The following PDE6A variants were observed in gnomAD, a reference collection of about 807,000 sequenced individuals.
PDE6A encodes rod cGMP-specific 3',5'-cyclic phosphodiesterase subunit alpha.
PDE6A carries 84 observed loss-of-function variants against 106.3 expected under a neutral mutation model. That is an observed-to-expected ratio of 0.79 (90% CI 0.66 to 0.95). The LOEUF (loss-of-function observed/expected upper bound fraction) is 0.95, where lower values mean the gene tolerates loss of function less well. Ranked by LOEUF, PDE6A falls within the 40% of genes least tolerant of loss-of-function variation. The probability of loss-of-function intolerance (pLI) is 0.00; values close to 1 mark genes in which losing one functional copy is unlikely to be tolerated. For synonymous variants in PDE6A, 394 were observed against 386.6 expected, an observed-to-expected ratio of 1.02 and a Z score of -0.23; for missense variants, 1,052 against 1,084.9, an observed-to-expected ratio of 0.97 and a Z score of 0.43.
At position 149,860,859 on chromosome 5, in the gene PDE6A, G is replaced by A; in HGVS notation, c.*36C>T. The A allele has an allele frequency of 6.4e-7, 1 of 1,562,468 alleles. No individual in the cohort carries two copies. The highest frequency in any genetic ancestry group is 8.8e-7 in the Non-Finnish European group (1 of 1,132,986). ...GCTTGAGTCATCTCTTCCCAGGAAA[G>A]GGTGGTGCCGTCCAGCCAGCACATC... On this transcript the variant is annotated 3_prime_UTR_variant, in exon 22 of 22. Coordinates refer to ENST00000255266, the MANE Select transcript of PDE6A (RefSeq NM_000440.3).
intron 5 of PDE6A, 72 bp downstream of exon 5, chr5:149,921,563 C>T: frequency 1.6e-6 from 2 of 1,234,574 alleles, no homozygotes; most frequent in East Asian, 2.3e-5. Flanking sequence ...AATAAAAAAT[C>T]CTTTAACAGG....
chr5:149,924,842 A>G (rs1753827702), intron 4 of PDE6A, among the ~76,000 whole-genome samples: 1 of 152,242 alleles, frequency 6.6e-6, no homozygotes, highest in South Asian at 2.1e-4. Context: ...TGCTGTGAGC[A>G]GCTAAGAAGC....
At chr5:149,867,955 A>G (rs1760391754) in intron 18 of PDE6A, 140 bp downstream of exon 18, 1 of 1,108,492 alleles carries the variant, frequency 9.0e-7, no homozygotes, top group Non-Finnish European at 1.4e-6. Context: ...GAGAGACGTA[A>G]AATGATTCCC....
intron 19 of PDE6A, chr5:149,866,931 A>G (rs1436621551): frequency 6.5e-6 from 1 of 154,012 alleles, no homozygotes; most frequent in Admixed American, 6.4e-5. Context: ...ACTATTCTCA[A>G]TATATTTGAA....
chr5:149,940,557 G>T (rs908128040), intron 1 of PDE6A, among the ~76,000 whole-genome samples: 1 of 148,356 alleles, frequency 6.7e-6, no homozygotes, highest in Non-Finnish European at 1.5e-5. Context: ...GAGTGCAATG[G>T]TGCGGTCTCG....
In PDE6A at chr5:149,859,956, G is replaced by A. The variant is rs557104958; in HGVS notation, c.*939C>T. 6.6e-6 allele frequency: 1 copy of A among 152,396 alleles called. No individual in the cohort carries two copies. Among genetic ancestry groups the A allele is most frequent in the South Asian group, 2.1e-4 (1 of 4,820 alleles). 9.4% of individuals were successfully genotyped at this position (152,396 alleles called of 1,614,324 possible). A position where few individuals can be genotyped will look rare whatever the true frequency, so the allele number is the denominator to read the frequency against. ...GTCTCGCTCGGTCGCCCAAGCTGGA[G>A]TGCAGTAGCATGATCTCAGCTCACT... On this transcript the variant is annotated 3_prime_UTR_variant, in exon 22 of 22. Transcript: ENST00000255266.
At chr5:149,919,862 A>G (rs948911456) in intron 5 of PDE6A, among the ~76,000 whole-genome samples, 1 of 152,204 alleles carries the variant, frequency 6.6e-6, no homozygotes, top group African/African-American at 2.4e-5. Flanking sequence ...AAACATACAC[A>G]CACTATTTTA....
rs1760019538 is a variant in PDE6A, at chr5:149,858,728, A to G, written c.*2167T>C. ...CGGGCAGCTGGGGCTCCAGTGAGCTATGGTCATACCACTGCACTCCAGCCT... is the reference window on the plus strand; with the variant it reads ...CGGGCAGCTGGGGCTCCAGTGAGCTGTGGTCATACCACTGCACTCCAGCCT... On this transcript the variant is annotated 3_prime_UTR_variant, in exon 22 of 22. Coordinates refer to ENST00000255266, the MANE Select transcript of PDE6A (RefSeq NM_000440.3). 1 of 149,934 alleles carries G rather than the reference A, an allele frequency of 6.7e-6. No homozygotes were observed. The highest frequency in any genetic ancestry group is 2.4e-5 in the African/African-American group (1 of 40,988). 9.3% of individuals were successfully genotyped at this position (149,934 alleles called of 1,614,324 possible).
chr5:149,894,474 T>C (rs548117401), intron 13 of PDE6A, among the ~76,000 whole-genome samples: 144 of 152,208 alleles, frequency 9.5e-4, no homozygotes, highest in Middle Eastern at 3.4e-3. Flanking sequence ...ATTTATTTAT[T>C]TTAAGTGGAT....
rs1259440334 is a variant in PDE6A at position 149,897,833 on chromosome 5, C to T, written c.1407+530G>A. Reference sequence around the variant, plus strand: ...AACTCCTGGGCTCAAGCGATCTGACCACCTTGGCCTCCCAAAGTGCTGAGA... The same window carrying T: ...AACTCCTGGGCTCAAGCGATCTGACTACCTTGGCCTCCCAAAGTGCTGAGA... On this transcript the variant is annotated intron_variant, in intron 10 of 21. Transcript: ENST00000255266. Among the ~76,000 whole-genome samples, 6 of 152,018 alleles carry T rather than the reference C, an allele frequency of 3.9e-5. No individual in the cohort carries two copies. The East Asian group carries it at 1.2e-3, about 29-fold the overall frequency.
Position 149,863,066 on chromosome 5 carries a change from T to G in PDE6A, c.2506+53A>C. ...AGTCTCTGAGGCAGGACGCAGACAC[T>G]GAGTGCTCAGGGAGTGGGGTGGTGG... On this transcript the variant is annotated intron_variant, in intron 21 of 21. Coordinates refer to ENST00000255266, the MANE Select transcript of PDE6A (RefSeq NM_000440.3). This position sits in a 1 kb window ranked among gnomAD's most constrained non-coding sequence, Gnocchi z 4.7. 1 of 1,609,486 alleles carries G rather than the reference T, an allele frequency of 6.2e-7. No individual in the cohort carries two copies.
Position 149,921,208 on chromosome 5 carries a change from G to A in PDE6A, c.933+427C>T, listed in dbSNP as rs370009459. On this transcript the variant is annotated intron_variant, in intron 5 of 21. Transcript: ENST00000255266. ...CCACAGCTGTGAAATGAGTATGTTGGTCCCTGTTTGGTCTACCCCGCAAGG... is the reference window on the plus strand; with the variant it reads ...CCACAGCTGTGAAATGAGTATGTTGATCCCTGTTTGGTCTACCCCGCAAGG... 1.1e-4 allele frequency among the ~76,000 whole-genome samples: 17 copies of A among 152,120 alleles called. No homozygotes were observed. In the East Asian group the frequency reaches 2.5e-3, roughly 22 times the overall value.
chr5:149,941,063 T>C (rs943833022), intron 1 of PDE6A, among the ~76,000 whole-genome samples: 1 of 152,174 alleles, frequency 6.6e-6, no homozygotes, highest in Non-Finnish European at 1.5e-5. Flanking sequence ...TAGGAGTGAA[T>C]AAGACCCGCA....
chr5:149,903,162 A>AAAAAAAC (rs1753047445), intron 8 of PDE6A, among the ~76,000 whole-genome samples: 1 of 149,146 alleles, frequency 6.7e-6, no homozygotes, highest in Non-Finnish European at 1.5e-5. Flanking sequence ...AAAAAAAAAA[A>AAAAAAAC]AAAAAACAAA....
In PDE6A at chr5:149,895,050, C is replaced by A. The variant is rs531775859; in HGVS notation, c.1728+133G>T. On this transcript the variant is annotated intron_variant, in intron 13 of 21. Transcript: ENST00000255266. ...GGAATCCTTTTACACTAAGCCCGTA[C>A]TGCTTTCACATAACTCTTAAAAGAC... 21 of 699,938 alleles carry A rather than the reference C, an allele frequency of 3.0e-5. No individual in the cohort carries two copies. The East Asian group carries it at 5.7e-4, about 19-fold the overall frequency. 43.4% of individuals were successfully genotyped at this position (699,938 alleles called of 1,614,324 possible).
Position 149,903,706 on chromosome 5 carries a change from T to A in PDE6A, c.1066-11A>T. On this transcript the variant is annotated splice_polypyrimidine_tract_variant and intron_variant, in intron 7 of 21. Coordinates refer to ENST00000255266, the MANE Select transcript of PDE6A (RefSeq NM_000440.3). ...CATGATGTTGCAAATCTGAGAGCAG[T>A]GAAGGGGAATAATGAAGGTGTGATT... 1 of 1,612,382 alleles carries A rather than the reference T, an allele frequency of 6.2e-7. No individual in the cohort carries two copies. The highest frequency in any genetic ancestry group is 1.7e-5 in the Admixed American group (1 of 60,012).
intron 8 of PDE6A, among the ~76,000 whole-genome samples, chr5:149,901,745 C>T (rs899429261): frequency 6.6e-6 from 1 of 152,114 alleles, no homozygotes; most frequent in African/African-American, 2.4e-5. Context: ...TCAGGCTTGT[C>T]GCATTGATGT....
rs777721828 is a variant in PDE6A, at chr5:149,896,759, A to G, written c.1425T>C (p.Tyr475=). 1.2e-6 allele frequency: 2 copies of G among 1,614,116 alleles called. No homozygotes were observed. The highest frequency in any genetic ancestry group is 1.1e-5 in the South Asian group (1 of 91,066). The change falls in exon 11 of 22, where the codon TAT becomes TAC. Residue 475 remains tyrosine (Y), a synonymous_variant. Coordinates refer to ENST00000255266, the MANE Select transcript of PDE6A (RefSeq NM_000440.3). ...CCTCACACTCCCATGGCTCCTTCCC[A>G]TACACCTCTCTGGTTTTCTGCCAGG... is the stretch of plus-strand genomic sequence containing the variant. ...IQKILKTREV[Y]GKEPWECEEE... is the part of the protein sequence containing the mutation.
At chr5:149,881,389 T>C (rs1489794399) in intron 17 of PDE6A, among the ~76,000 whole-genome samples, 1 of 152,158 alleles carries the variant, frequency 6.6e-6, no homozygotes, top group Admixed American at 6.6e-5. Flanking sequence ...ATGTGTTCCA[T>C]ACGTGCCATG....
Sources: allele counts gnomAD v4.1 joint callset (sites outside exome capture counted in the v4.1 genomes callset), GRCh38; gene constraint gnomAD v4.1.1; non-coding constraint Gnocchi (gnomAD v3.1); transcripts MANE v1.5; gene names NCBI Gene and HGNC (gene_info 2026-07-23, HGNC 2026-07-21).